Variants in KCNB2 observed in about 807,000 individuals in gnomAD.
The protein encoded by KCNB2 is potassium voltage-gated channel subfamily B member 2.
A neutral mutation model predicts 61.5 loss-of-function variants in KCNB2; 15 were observed. The observed-to-expected ratio is 0.24, with a 90% CI of 0.16 to 0.38. The LOEUF is 0.38. KCNB2 is among the 10% of genes least tolerant of loss of function. The pLI, the probability that KCNB2 is intolerant of heterozygous loss-of-function variation, is 1.00. For synonymous variants in KCNB2, 457 were observed against 446.0 expected, an observed-to-expected ratio of 1.02 and a Z score of -0.31; for missense variants, 828 against 1,125.2, an observed-to-expected ratio of 0.74 and a Z score of 3.78.
chr8:72,663,778 A>G (rs1040205539), intron 2 of KCNB2, among the ~76,000 whole-genome samples: 2 of 152,158 alleles, frequency 1.3e-5, no homozygotes, highest in African/African-American at 4.8e-5. Context: ...ATCAAAAAGG[A>G]TGGTATTTAC....
chr8:72,599,093 A>C (rs553506239), intron 2 of KCNB2, among the ~76,000 whole-genome samples: 7 of 152,326 alleles, frequency 4.6e-5, no homozygotes, highest in Admixed American at 2.6e-4. Flanking sequence ...ATTAGAAAAA[A>C]ACTACTTTAA....
chr8:72,785,861 T>A (rs1249686900), intron 2 of KCNB2, among the ~76,000 whole-genome samples: 2 of 152,120 alleles, frequency 1.3e-5, no homozygotes, highest in Non-Finnish European at 2.9e-5. Flanking sequence ...AGGTGCTGAA[T>A]GAGACACATC....
intron 2 of KCNB2, 65 bp from the exon 3 acceptor site, chr8:72,935,870 C>T: frequency 9.3e-7 from 1 of 1,078,530 alleles, no homozygotes; most frequent in Non-Finnish European, 1.4e-6. Context: ...ATCACCGACC[C>T]ATCTGTCTCC....
At chr8:72,842,558 T>C (rs1406836102) in intron 2 of KCNB2, among the ~76,000 whole-genome samples, 1 of 152,220 alleles carries the variant, frequency 6.6e-6, no homozygotes, top group Admixed American at 6.5e-5. Context: ...TGAATCTTCC[T>C]GGTCCTGGCC....
At chr8:72,561,727 A>ATATATATGTG (rs1189336093) in intron 1 of KCNB2, among the ~76,000 whole-genome samples, 492 of 35,214 alleles carry the variant, frequency 0.014, 53 homozygotes, top group Non-Finnish European at 0.025. Flanking sequence ...ATATATATAT[A>ATATATATGTG]TCTATATCTA....
At chr8:72,696,118 T>G (rs1463607600) in intron 2 of KCNB2, among the ~76,000 whole-genome samples, 1 of 152,104 alleles carries the variant, frequency 6.6e-6, no homozygotes, top group Non-Finnish European at 1.5e-5. Context: ...AATCTGATGG[T>G]TTTTGAAGTT....
chr8:72,812,909 T>C (rs548994905), intron 2 of KCNB2, among the ~76,000 whole-genome samples: 1 of 152,296 alleles, frequency 6.6e-6, no homozygotes, highest in African/African-American at 2.4e-5. Context: ...TAAAGAAATT[T>C]GGAAGCTTTC....
At chr8:72,736,126 G>T (rs953876503) in intron 2 of KCNB2, among the ~76,000 whole-genome samples, 12 of 151,842 alleles carry the variant, frequency 7.9e-5, no homozygotes, top group Admixed American at 7.2e-4. Flanking sequence ...CTGATGTGAG[G>T]CTACTAATAG....
chr8:72,551,854 C>T (rs796605285), intron 1 of KCNB2, among the ~76,000 whole-genome samples: 101 of 152,278 alleles, frequency 6.6e-4, no homozygotes, highest in African/African-American at 2.4e-3. Context: ...CTCACAACTC[C>T]ATGCACATAG....
In KCNB2 at chr8:72,894,107, G is replaced by A. The variant is rs568268471; in HGVS notation, c.580-41828G>A. 7.7e-4 allele frequency among the ~76,000 whole-genome samples: 117 copies of A among 152,264 alleles called. 1 individual carries two copies. The highest frequency in any genetic ancestry group is 2.7e-3 in the African/African-American group (113 of 41,556). On this transcript the variant is annotated intron_variant, in intron 2 of 2. Transcript: ENST00000523207. The stretch of plus-strand genomic sequence containing the variant: ...GGAATTCAAGTAAGGGATTGGGGTA[G>A]GTGAATGATGAAGGTCTCACTTGAG...
At chr8:72,598,667 G>C (rs1222701992) in intron 2 of KCNB2, among the ~76,000 whole-genome samples, 1 of 152,190 alleles carries the variant, frequency 6.6e-6, no homozygotes, top group Non-Finnish European at 1.5e-5. Flanking sequence ...AATTGTCCCT[G>C]TTTGCAGATG....
intron 2 of KCNB2, among the ~76,000 whole-genome samples, chr8:72,749,574 A>T (rs986972641): frequency 6.6e-6 from 1 of 151,736 alleles, no homozygotes; most frequent in Non-Finnish European, 1.5e-5. Flanking sequence ...AAACATAAAT[A>T]TAAATACTTA....
chr8:72,673,216 A>G (rs545324965), intron 2 of KCNB2, among the ~76,000 whole-genome samples: 17 of 152,318 alleles, frequency 1.1e-4, no homozygotes, highest in Non-Finnish European at 1.9e-4. Context: ...TGGTTTGGCT[A>G]TGTCCCCACC....
At chr8:72,920,471 A>ATGTGTG (rs1323200698) in intron 2 of KCNB2, among the ~76,000 whole-genome samples, 1 of 42,278 alleles carries the variant, frequency 2.4e-5, no homozygotes, top group African/African-American at 7.0e-5. Context: ...CTATCTATCT[A>ATGTGTG]TCTATATATA....
At chr8:72,682,680 A>G (rs1220312938) in intron 2 of KCNB2, among the ~76,000 whole-genome samples, 3 of 152,000 alleles carry the variant, frequency 2.0e-5, no homozygotes, top group Non-Finnish European at 4.4e-5. Flanking sequence ...TGCAGCCTCA[A>G]TTTCCTGGGC....
chr8:72,722,712 A>C (rs186955023), intron 2 of KCNB2, among the ~76,000 whole-genome samples: 9 of 152,380 alleles, frequency 5.9e-5, no homozygotes, highest in Admixed American at 2.0e-4. Flanking sequence ...ACTTTGCTCT[A>C]GATGCCTAGA....
intron 2 of KCNB2, among the ~76,000 whole-genome samples, chr8:72,697,957 A>G (rs989943488): frequency 6.6e-6 from 1 of 152,122 alleles, no homozygotes; most frequent in African/African-American, 2.4e-5. Context: ...GAGCTGAGCC[A>G]CAAGCCCTCC....
At chr8:72,596,689 C>A (rs75529948) in intron 2 of KCNB2, among the ~76,000 whole-genome samples, 1 of 152,228 alleles carries the variant, frequency 6.6e-6, no homozygotes, top group African/African-American at 2.4e-5. Flanking sequence ...GTTCTATATA[C>A]TCTATAAAGG....
intron 2 of KCNB2, among the ~76,000 whole-genome samples, chr8:72,690,335 AT>A (rs1425173639): frequency 6.6e-6 from 1 of 152,178 alleles, no homozygotes; most frequent in Non-Finnish European, 1.5e-5. Context: ...CAAGAAGCAA[AT>A]TGCTCCCAAG....
Sources: gnomAD v4.1 joint callset for allele counts (sites outside exome capture counted in the v4.1 genomes callset) on GRCh38, gnomAD v4.1.1 for gene constraint, MANE v1.5 for transcripts, NCBI Gene and HGNC (gene_info 2026-07-23, HGNC 2026-07-21) for gene names.